Variants in ZRANB1 observed in about 807,000 individuals in gnomAD.
ZRANB1 encodes the protein zinc finger RANBP2-type containing 1, also known as ubiquitin thioesterase ZRANB1.
ZRANB1 carries 16 observed loss-of-function variants against 80.5 expected under a neutral mutation model. That is an observed-to-expected ratio of 0.20 (90% confidence interval 0.13 to 0.30). The LOEUF (loss-of-function observed/expected upper bound fraction) is 0.30, where lower values mean the gene tolerates loss of function less well. ZRANB1 is among the 10% of genes least tolerant of loss of function. The pLI is 1.00. For missense variants in ZRANB1, 576 were observed against 862.6 expected (o/e 0.67, Z 4.16); for synonymous variants, 291 against 293.1 (o/e 0.99, Z 0.07).
intron 1 of ZRANB1, among the ~76,000 whole-genome samples, chr10:124,943,530 T>A (rs962671333): frequency 2.1e-5 from 3 of 145,802 alleles, no homozygotes; most frequent in Admixed American, 1.4e-4. Context: ...AAAATGTGAG[T>A]GTGTGTGTGT....
chr10:124,973,805 C>T (rs1353182678), intron 4 of ZRANB1, 89 bp downstream of exon 4: 1 of 1,142,450 alleles, frequency 8.8e-7, no homozygotes, highest in South Asian at 1.5e-5. Flanking sequence ...GGTGTGTAGT[C>T]AACTTGCTTT....
In ZRANB1 at chr10:124,942,324, A is replaced by G; in HGVS notation, c.-170A>G. The G allele has an allele frequency of 1.4e-6, 2 of 1,424,792 alleles. No homozygotes were observed. Among genetic ancestry groups the G allele is most frequent in the Non-Finnish European group, 1.8e-6 (2 of 1,094,482 alleles). 88.3% of individuals were successfully genotyped at this position (1,424,792 alleles called of 1,614,324 possible). On this transcript the variant is annotated 5_prime_UTR_variant, in exon 1 of 9. Coordinates refer to ENST00000359653, the MANE Select transcript of ZRANB1 (RefSeq NM_017580.3). ...GAAATTAAAAAAGAAAATTAGGATA[A>G]TTCAATGTCGAAATGTTGCATGCAT...
intron 1 of ZRANB1, among the ~76,000 whole-genome samples, chr10:124,964,111 T>C (rs934567836): frequency 1.3e-5 from 2 of 152,272 alleles, no homozygotes; most frequent in Non-Finnish European, 2.9e-5. Context: ...GTGTTTTTGA[T>C]AATTTTGTAT....
chr10:124,973,567 A>G (rs1214773870), intron 3 of ZRANB1, 78 bp from the exon 4 acceptor site: 2 of 1,269,502 alleles, frequency 1.6e-6, no homozygotes, highest in Non-Finnish European at 2.2e-6. Flanking sequence ...CTAGTAGGTA[A>G]TTAATAAGTG....
At position 124,987,642 on chromosome 10, in the gene ZRANB1, A is replaced by G. The variant is rs376920298; in HGVS notation, c.*2650A>G. The G allele has an allele frequency of 2.0e-5, 3 of 152,106 alleles. No individual in the cohort carries two copies. The highest frequency in any genetic ancestry group is 3.8e-4 in the East Asian group (2 of 5,196). 9.4% of individuals were successfully genotyped at this position (152,106 alleles called of 1,614,324 possible). On this transcript the variant is annotated 3_prime_UTR_variant, in exon 9 of 9. Coordinates refer to ENST00000359653, the MANE Select transcript of ZRANB1 (RefSeq NM_017580.3). ...GTAACTATGAGCGCCGTCTCTCTCC[A>G]TGTGAGCTTGTGTTAATAGACACTT...
At chr10:124,955,653 A>G (rs1315017791) in intron 1 of ZRANB1, among the ~76,000 whole-genome samples, 1 of 152,198 alleles carries the variant, frequency 6.6e-6, no homozygotes, top group Non-Finnish European at 1.5e-5. Context: ...AGTTATTTTT[A>G]GCAACATGAA....
chr10:124,960,365 A>G (rs1951723016), intron 1 of ZRANB1, among the ~76,000 whole-genome samples: 1 of 152,188 alleles, frequency 6.6e-6, no homozygotes, highest in South Asian at 2.1e-4. Flanking sequence ...AAATGTATAT[A>G]ATATGAACAG....
the ZRANB1 span, among the ~76,000 whole-genome samples, chr10:124,933,584 A>AAT: frequency 6.6e-6 from 1 of 152,206 alleles, no homozygotes; most frequent in Non-Finnish European, 1.5e-5. Flanking sequence ...TCTTTCATCC[A>AAT]GTTAGATTGC....
chr10:124,973,095 T>C (rs1294247869), intron 3 of ZRANB1, among the ~76,000 whole-genome samples: 4 of 152,222 alleles, frequency 2.6e-5, no homozygotes, highest in Non-Finnish European at 5.9e-5. Context: ...TCATTTGAAA[T>C]GCACTTGTTC....
Position 124,984,884 on chromosome 10 carries a change from C to A in ZRANB1, c.2019C>A (p.His673Gln). The A allele has an allele frequency of 6.2e-7, 1 of 1,613,976 alleles. No individual in the cohort carries two copies. The highest frequency in any genetic ancestry group is 8.5e-7 in the Non-Finnish European group (1 of 1,180,010). ...AMQKSSRRRNHPLVTQMVEKW... is the reference protein window; with the variant it reads ...AMQKSSRRRNQPLVTQMVEKW... The stretch of plus-strand genomic sequence containing the variant: ...AGAAGAGTTCTCGGCGGCGAAATCA[C>A]CCCCTGGTCACTCAGATGGTAGAAA... Residue 673 changes from histidine to glutamine, a missense_variant, in exon 9 of 9, where the codon CAC (histidine) becomes CAA (glutamine). By Grantham distance (24) the His-to-Gln change is conservative. This residue lies in a region of ZRANB1 where 152 missense variants were observed against 221.9 expected (regional missense o/e 0.69). Coordinates refer to ENST00000359653, the MANE Select transcript of ZRANB1 (RefSeq NM_017580.3).
In ZRANB1 at chr10:124,942,665, A is replaced by T. The variant is rs1418361742; in HGVS notation, c.172A>T (p.Thr58Ser). The T allele has an allele frequency of 6.2e-7, 1 of 1,614,264 alleles. No individual in the cohort carries two copies. ...TGGTAGAGATTGGGATCCTTCCAGC[A>T]CCGAAGGAGGAAGTAGTCCTTTGAT... ...DVGRDWDPSS[T>S]EGGSSPLICP... Residue 58 changes from threonine (T) to serine (S), a missense_variant, in exon 1 of 9, where the codon ACC becomes TCC. Thr to Ser is a moderately conservative substitution (Grantham distance 58). Coordinates refer to ENST00000359653, the MANE Select transcript of ZRANB1 (RefSeq NM_017580.3).
In ZRANB1 at chr10:124,987,970, A is replaced by G. The variant is rs1952106777; in HGVS notation, c.*2978A>G. ...TCATTTTGTTTGTTAGGTTATTGGC[A>G]AAACAGTTTCAAGGTTCACTTCCCT... On this transcript the variant is annotated 3_prime_UTR_variant, in exon 9 of 9. Coordinates refer to ENST00000359653, the MANE Select transcript of ZRANB1 (RefSeq NM_017580.3). 1 of 152,562 alleles carries G rather than the reference A, an allele frequency of 6.6e-6. No individual in the cohort carries two copies. Among genetic ancestry groups the G allele is most frequent in the South Asian group, 2.1e-4 (1 of 4,830 alleles). 9.5% of individuals were successfully genotyped at this position (152,562 alleles called of 1,614,324 possible). A position where few individuals can be genotyped will look rare whatever the true frequency, so the allele number is the denominator to read the frequency against.
At position 124,974,300 on chromosome 10, in the gene ZRANB1, C is replaced by T. The variant is rs1347357324; in HGVS notation, c.1329C>T (p.Cys443=). 17 of 1,614,126 alleles carry T rather than the reference C, an allele frequency of 1.1e-5. No individual in the cohort carries two copies. The highest frequency in any genetic ancestry group is 1.4e-5 in the Non-Finnish European group (16 of 1,180,044). ...YALWNRTAGD[C]LLDSVLQATW... is the part of the protein sequence containing the mutation. ...TTTGGAACCGGACTGCAGGAGACTG[C>T]CTACTTGATTCAGTTCTACAAGCTA... The change falls in exon 5 of 9, where the codon TGC becomes TGT. Residue 443 remains cysteine (C), a synonymous_variant. Coordinates refer to ENST00000359653, the MANE Select transcript of ZRANB1 (RefSeq NM_017580.3).
At chr10:124,962,017 A>G (rs1467393401) in intron 1 of ZRANB1, among the ~76,000 whole-genome samples, 1 of 152,208 alleles carries the variant, frequency 6.6e-6, no homozygotes, top group Admixed American at 6.5e-5. Flanking sequence ...TTGAAGGTAC[A>G]CTTTAAAAAA....
At chr10:124,967,463 G>A (rs1269839931) in intron 2 of ZRANB1, among the ~76,000 whole-genome samples, 1 of 152,202 alleles carries the variant, frequency 6.6e-6, no homozygotes, top group Non-Finnish European at 1.5e-5. Context: ...TGAAAGATAA[G>A]CAGAGGCTGG....
chr10:124,919,170 A>G, the ZRANB1 span, among the ~76,000 whole-genome samples: 62,237 of 152,122 alleles, frequency 0.41, 15,622 homozygotes, highest in Non-Finnish European at 0.57. Context: ...TATGAGGCAA[A>G]TTGCTTCATA....
chr10:124,961,111 C>T (rs538080769), intron 1 of ZRANB1, among the ~76,000 whole-genome samples: 1 of 152,128 alleles, frequency 6.6e-6, no homozygotes, highest in Non-Finnish European at 1.5e-5. Context: ...AAGCGATTCT[C>T]CTGCCTCAGC....
intron 1 of ZRANB1, among the ~76,000 whole-genome samples, chr10:124,947,767 C>G (rs889305548): frequency 5.9e-5 from 9 of 152,172 alleles, no homozygotes; most frequent in Admixed American, 2.0e-4. Flanking sequence ...TGCCCCACTT[C>G]TATTTCTGAG....
chr10:124,941,687 T>A (rs1951537707), upstream of ZRANB1, among the ~76,000 whole-genome samples: 1 of 152,190 alleles, frequency 6.6e-6, no homozygotes, highest in South Asian at 2.1e-4. Context: ...ATATTCAAAA[T>A]TTAAAATATT....
Sources: gnomAD v4.1 joint callset for allele counts (sites outside exome capture counted in the v4.1 genomes callset) on GRCh38, gnomAD v4.1.1 for gene constraint, gnomAD v4.1.1 regional missense constraint, MANE v1.5 for transcripts, NCBI Gene and HGNC (gene_info 2026-07-23, HGNC 2026-07-21) for gene names.